PLXND1: variants seen among roughly 807,000 people sequenced by gnomAD.
PLXND1 encodes the protein plexin D1.
A neutral mutation model predicts 197.7 loss-of-function variants in PLXND1; 54 were observed. The ratio of observed to expected loss-of-function variants is 0.27; its 90% confidence interval spans 0.22 to 0.34. The LOEUF is 0.34. Ranked by LOEUF, PLXND1 falls within the 10% of genes least tolerant of loss-of-function variation. The pLI is 1.00. For synonymous variants in PLXND1, 1,180 were observed against 1,161.2 expected (o/e 1.02, Z -0.33); for missense variants, 2,127 against 2,699.2 (o/e 0.79, Z 4.70).
Position 129,584,140 on chromosome 3 carries a change from A to C in PLXND1, c.2123T>G (p.Val708Gly). 6.4e-7 allele frequency: 1 copy of C among 1,562,206 alleles called. No individual in the cohort carries two copies. The highest frequency in any genetic ancestry group is 8.7e-7 in the Non-Finnish European group (1 of 1,151,658). The change falls in exon 7 of 36, where the codon GTG becomes GGG. Residue 708 changes from valine (V) to glycine (G), a missense_variant. This residue lies in a region of PLXND1 where 1,095 missense variants were observed against 1,259.8 expected (regional missense o/e 0.87). Transcript: ENST00000324093. ...AGCCACTCACGCTGTGTGGGGGTAC[A>C]CTTGTGCAGTGCGGCTGCAGTCGTA... is the stretch of plus-strand genomic sequence containing the variant. ...TIYDCSRTAQ[V>G]YPHTACTSCL...
At position 129,580,853 on chromosome 3, in the gene PLXND1, C is replaced by A. The variant is rs576643269; in HGVS notation, c.2242-2420G>T. On this transcript the variant is annotated intron_variant, in intron 8 of 35. Transcript: ENST00000324093. ...TACCCCCAGGGACCCCCACAATTGC[C>A]CCCATGTTCCTACCACCCCACTCTC... Among the ~76,000 whole-genome samples, 367 of 152,086 alleles carry A rather than the reference C, an allele frequency of 2.4e-3. 1 individual carries two copies. The highest frequency in any genetic ancestry group is 4.3e-3 in the Non-Finnish European group (290 of 67,944).
At chr3:129,597,506 C>T (rs2085644676) in intron 1 of PLXND1, among the ~76,000 whole-genome samples, 1 of 152,082 alleles carries the variant, frequency 6.6e-6, no homozygotes, top group African/African-American at 2.4e-5. Flanking sequence ...ATTTACCGAT[C>T]AGAGCATAAA....
chr3:129,575,447 T>TG lies in PLXND1; in HGVS notation c.2530+21dup, dbSNP rs996854565. 93 of 1,479,444 alleles carry TG rather than the reference T, an allele frequency of 6.3e-5. No individual in the cohort carries two copies. In the Middle Eastern group the frequency reaches 2.1e-3, roughly 34 times the overall value. The allele number at this position is 1,479,444 out of a possible 1,614,324, so 91.6% of individuals were successfully genotyped here. A position where few individuals can be genotyped will look rare whatever the true frequency, so the allele number is the denominator to read the frequency against. ...ACTGCACTGAGGCCCCGAGGCCATG[T>TG]GGGGCGGGTGGGGGTGCCCACCTGT... On this transcript the variant is annotated intron_variant, in intron 11 of 35. Transcript: ENST00000324093.
chr3:129,592,851 G>A (rs770059688), intron 1 of PLXND1, among the ~76,000 whole-genome samples: 8 of 152,188 alleles, frequency 5.3e-5, no homozygotes, highest in Non-Finnish European at 7.3e-5. Flanking sequence ...GAAGCCCAGC[G>A]TGGCGGGAAG....
chr3:129,563,080 C>T lies in PLXND1; in HGVS notation c.4668+14G>A, dbSNP rs1443647357. On this transcript the variant is annotated intron_variant, in intron 26 of 35. Transcript: ENST00000324093. ...CACAGCAGCCCTGGGACCCTCCCCG[C>T]CCTGCCGACTTACCCGGGGCTTGGC... 1.9e-6 allele frequency: 3 copies of T among 1,613,474 alleles called. No homozygotes were observed. Among genetic ancestry groups the T allele is most frequent in the Admixed American group, 1.7e-5 (1 of 60,002 alleles).
Position 129,560,375 on chromosome 3 carries a change from C to G in PLXND1, c.5088G>C (p.Lys1696Asn). 1 of 1,614,124 alleles carries G rather than the reference C, an allele frequency of 6.2e-7. No individual in the cohort carries two copies. The highest frequency in any genetic ancestry group is 8.5e-7 in the Non-Finnish European group (1 of 1,179,964). Reference protein sequence around the residue: ...PKKSHRQSHRKKVLPEIYLTR... With the variant: ...PKKSHRQSHRNKVLPEIYLTR... ...TCAGGTAGATTTCCGGGAGCACCTTCTTGCGATGGCTCTGCCGGTGAGACT... is the reference window on the plus strand; with the variant it reads ...TCAGGTAGATTTCCGGGAGCACCTTGTTGCGATGGCTCTGCCGGTGAGACT... The change falls in exon 31 of 36, where the codon AAG becomes AAC. Residue 1696 changes from lysine to asparagine, a missense_variant. This residue lies in a region of PLXND1 where 53 missense variants were observed against 41.4 expected (regional missense o/e 1.28). Transcript: ENST00000324093.
chr3:129,589,307 G>GCCGGGGGGGCCCC, intron 2 of PLXND1, 44 bp downstream of exon 2: 1 of 684,692 alleles, frequency 1.5e-6, no homozygotes, highest in Non-Finnish European at 2.6e-6. Flanking sequence ...TCCCAGGGGA[G>GCCGGGGGGGCCCC]CCTCCCACCC....
At chr3:129,595,427 G>A (rs55732372) in intron 1 of PLXND1, among the ~76,000 whole-genome samples, 7,849 of 152,288 alleles carry the variant, frequency 0.052, 311 homozygotes, top group Non-Finnish European at 0.073. Flanking sequence ...AAATACCAGC[G>A]CCTTCAGGGG....
chr3:129,560,327 C>T lies in PLXND1; in HGVS notation c.5133+3G>A. 1 of 1,595,586 alleles carries T rather than the reference C, an allele frequency of 6.3e-7. No individual in the cohort carries two copies. The highest frequency in any genetic ancestry group is 8.6e-7 in the Non-Finnish European group (1 of 1,163,120). ...ACAGAGGGGAGACTGAGGCCGGACTCACCTTGGTGGAGAGCAGGCGGGTCA... is the reference window on the plus strand; with the variant it reads ...ACAGAGGGGAGACTGAGGCCGGACTTACCTTGGTGGAGAGCAGGCGGGTCA... On this transcript the variant is annotated splice_donor_region_variant and intron_variant, in intron 31 of 35. Coordinates refer to ENST00000324093, the MANE Select transcript of PLXND1 (RefSeq NM_015103.3).
intron 8 of PLXND1, among the ~76,000 whole-genome samples, chr3:129,580,895 G>A (rs1230284846): frequency 6.6e-6 from 1 of 151,376 alleles, no homozygotes; most frequent in Non-Finnish European, 1.5e-5. Flanking sequence ...GGCCCGTAGT[G>A]ACCACCTACA....
intron 35 of PLXND1, 27 bp downstream of exon 35, chr3:129,556,590 G>T: frequency 6.4e-7 from 1 of 1,558,606 alleles, no homozygotes; most frequent in Non-Finnish European, 8.8e-7. Flanking sequence ...TACCCCGAGG[G>T]CAGGTGCCTC....
At chr3:129,603,739 G>A (rs1395345811) in intron 1 of PLXND1, among the ~76,000 whole-genome samples, 1 of 152,174 alleles carries the variant, frequency 6.6e-6, no homozygotes, top group African/African-American at 2.4e-5. Flanking sequence ...CCCCAGTGTT[G>A]GGCCCGCCCA....
intron 1 of PLXND1, among the ~76,000 whole-genome samples, chr3:129,597,011 G>C: frequency 6.6e-6 from 1 of 152,334 alleles, no homozygotes; most frequent in Middle Eastern, 3.4e-3. Context: ...GTAACAGTTC[G>C]GTAGAGTGAC....
chr3:129,570,091 A>G (rs2085202063), intron 19 of PLXND1, 134 bp from the exon 20 acceptor site: 2 of 647,392 alleles, frequency 3.1e-6, no homozygotes, highest in Non-Finnish European at 2.8e-6. Flanking sequence ...TAACATAGAG[A>G]TAACAATGTC....
intron 13 of PLXND1, 39 bp downstream of exon 13, chr3:129,573,555 C>T (rs1366088547): frequency 6.3e-7 from 1 of 1,591,272 alleles, no homozygotes; most frequent in Non-Finnish European, 8.6e-7. Flanking sequence ...GAGGCTGGCA[C>T]TGCTGGAGAA....
At chr3:129,603,004 C>T (rs1047116687) in intron 1 of PLXND1, among the ~76,000 whole-genome samples, 4 of 152,166 alleles carry the variant, frequency 2.6e-5, no homozygotes, top group Admixed American at 6.5e-5. Flanking sequence ...CTGAATCTGT[C>T]GCTGCATAGC....
intron 1 of PLXND1, among the ~76,000 whole-genome samples, chr3:129,599,451 C>T (rs77591577): frequency 0.011 from 1,730 of 152,318 alleles, 40 homozygotes; most frequent in African/African-American, 0.04. Flanking sequence ...TAGCGATGTG[C>T]GCCTGCCTGG....
intron 1 of PLXND1, among the ~76,000 whole-genome samples, chr3:129,595,803 C>T (rs527754777): frequency 7.9e-5 from 12 of 152,284 alleles, no homozygotes; most frequent in African/African-American, 9.6e-5. Flanking sequence ...CCACCCCAAA[C>T]AGGCATGGCC....
chr3:129,562,558 A>C (rs964410487), intron 27 of PLXND1: 4 of 445,008 alleles, frequency 9.0e-6, no homozygotes, highest in Non-Finnish European at 1.6e-5. Flanking sequence ...TCCTTTAGGA[A>C]TTAGGAAGCC....
Sources: gnomAD v4.1 joint callset for allele counts (sites outside exome capture counted in the v4.1 genomes callset) on GRCh38, gnomAD v4.1.1 for gene constraint, gnomAD v4.1.1 regional missense constraint, MANE v1.5 for transcripts, NCBI Gene and HGNC (gene_info 2026-07-23, HGNC 2026-07-21) for gene names.